The following SUPT3H variants were observed in gnomAD, a reference collection of about 807,000 sequenced individuals.
SUPT3H encodes the protein SPT3 homolog, SAGA and STAGA complex component.
SUPT3H carries 44 observed loss-of-function variants against 44.3 expected under a neutral mutation model. That is an observed-to-expected ratio of 0.99 (90% CI 0.78 to 1.28). The LOEUF (loss-of-function observed/expected upper bound fraction) is 1.28. SUPT3H is among the 50% of genes most tolerant of loss of function. SUPT3H has a pLI of 0.00. For missense variants in SUPT3H, 380 were observed against 387.1 expected (o/e 0.98, Z 0.15); for synonymous variants, 124 against 125.6 (o/e 0.99, Z 0.09).
intron 2 of SUPT3H, among the ~76,000 whole-genome samples, chr6:45,311,443 AAT>A (rs1452297936): frequency 6.6e-5 from 10 of 152,178 alleles, no homozygotes; most frequent in Non-Finnish European, 1.3e-4. Context: ...TAGACATCCA[AAT>A]ACAAGAAGCA....
intron 2 of SUPT3H, among the ~76,000 whole-genome samples, chr6:45,154,799 A>G (rs1562565523): frequency 6.6e-6 from 1 of 152,138 alleles, no homozygotes; most frequent in Admixed American, 6.5e-5. Context: ...TTCTCTTGCA[A>G]TTCCCCTGTG....
intron 10 of SUPT3H, among the ~76,000 whole-genome samples, chr6:44,889,454 A>T (rs1011138731): frequency 6.6e-6 from 1 of 152,182 alleles, no homozygotes; most frequent in African/African-American, 2.4e-5. Flanking sequence ...CAGAAATAAC[A>T]CCGCATATCT....
At chr6:45,005,700 CA>C (rs67476240) in intron 5 of SUPT3H, among the ~76,000 whole-genome samples, 4,003 of 130,930 alleles carry the variant, frequency 0.031, 77 homozygotes, top group South Asian at 0.11. Context: ...AAACTCGTCT[CA>C]AAAAAAAAAA....
intron 3 of SUPT3H, among the ~76,000 whole-genome samples, chr6:45,048,221 C>CTTTTTTTTTT (rs67557043): frequency 1.1e-5 from 1 of 88,196 alleles, no homozygotes; most frequent in African/African-American, 6.2e-5. Context: ...TCTCTCTACT[C>CTTTTTTTTTT]TTTTTTTTTT....
intron 2 of SUPT3H, among the ~76,000 whole-genome samples, chr6:45,352,866 TA>T (rs1792351924): frequency 1.3e-5 from 2 of 152,170 alleles, no homozygotes; most frequent in South Asian, 4.1e-4. Context: ...TATATATCTA[TA>T]AAAAAATTAA....
chr6:45,122,068 A>G (rs1231970180), intron 2 of SUPT3H, among the ~76,000 whole-genome samples: 1 of 152,212 alleles, frequency 6.6e-6, no homozygotes, highest in African/African-American at 2.4e-5. Flanking sequence ...AAAATGAACA[A>G]ATTGTATTTT....
At position 45,223,452 on chromosome 6, in the gene SUPT3H, T is replaced by G. The variant is rs576204813; in HGVS notation, c.102-117446A>C. Among the ~76,000 whole-genome samples the G allele has an allele frequency of 3.3e-5, 5 of 152,156 alleles. No homozygotes were observed. In the South Asian group the frequency reaches 1.0e-3, roughly 32 times the overall value. ...ACTATTGTAAAAGTTCAGTAAGGTGTGCCATACTAAATTCGTATGTACCTA... is the reference window on the plus strand; with the variant it reads ...ACTATTGTAAAAGTTCAGTAAGGTGGGCCATACTAAATTCGTATGTACCTA... On this transcript the variant is annotated intron_variant, in intron 2 of 10. Transcript: ENST00000371459.
At chr6:45,068,584 G>A (rs1488825634) in intron 3 of SUPT3H, among the ~76,000 whole-genome samples, 1 of 152,120 alleles carries the variant, frequency 6.6e-6, no homozygotes, top group Non-Finnish European at 1.5e-5. Context: ...AACATGATTT[G>A]TTTTATTCCA....
chr6:45,336,641 TCAAA>T (rs1402224926), intron 2 of SUPT3H, among the ~76,000 whole-genome samples: 3 of 151,540 alleles, frequency 2.0e-5, no homozygotes, highest in Non-Finnish European at 4.4e-5. Context: ...TCAGACGTAT[TCAAA>T]CAATTTTCTT....
Position 44,932,572 on chromosome 6 carries a change from T to C in SUPT3H, c.912+81A>G, listed in dbSNP as rs983143396. 132 of 979,658 alleles carry C rather than the reference T, an allele frequency of 1.3e-4. 1 individual carries two copies. The highest frequency in any genetic ancestry group is 1.3e-3 in the South Asian group (77 of 58,058). 60.7% of individuals were successfully genotyped at this position (979,658 alleles called of 1,614,324 possible). On this transcript the variant is annotated intron_variant, in intron 10 of 10. Coordinates refer to ENST00000371459, the MANE Select transcript of SUPT3H (RefSeq NM_003599.4). ...CCACAAATTGCTTTCAACAATTCCA[T>C]TGCTTCTTCATTTGACCACTTGAAA...
chr6:45,310,039 G>GT (rs755542151), intron 2 of SUPT3H, among the ~76,000 whole-genome samples: 26 of 152,170 alleles, frequency 1.7e-4, no homozygotes, highest in Non-Finnish European at 2.8e-4. Context: ...AAAGCCTCTG[G>GT]TAAGTTTTCA....
intron 10 of SUPT3H, among the ~76,000 whole-genome samples, chr6:44,888,514 C>T (rs1414903723): frequency 6.6e-6 from 1 of 152,114 alleles, no homozygotes; most frequent in Non-Finnish European, 1.5e-5. Context: ...AAGACAAAAA[C>T]CACATGATTA....
intron 2 of SUPT3H, among the ~76,000 whole-genome samples, chr6:45,193,198 C>CACATGTA (rs1815428186): frequency 6.6e-6 from 1 of 152,008 alleles, no homozygotes; most frequent in South Asian, 2.1e-4. Context: ...TTCAGAATAA[C>CACATGTA]ACATGTACAC....
At chr6:45,015,700 T>C (rs905260522) in intron 4 of SUPT3H, among the ~76,000 whole-genome samples, 1 of 151,802 alleles carries the variant, frequency 6.6e-6, no homozygotes, top group Non-Finnish European at 1.5e-5. Context: ...AAAACGTTTT[T>C]CCTTTATATC....
intron 2 of SUPT3H, among the ~76,000 whole-genome samples, chr6:45,190,204 C>CA (rs1814898779): frequency 6.6e-6 from 1 of 151,662 alleles, no homozygotes; most frequent in African/African-American, 2.4e-5. Flanking sequence ...AAATATTTCC[C>CA]AAAAAATGGG....
At chr6:45,181,873 AAATAAAT>A (rs1263549629) in intron 2 of SUPT3H, among the ~76,000 whole-genome samples, 14 of 1,132 alleles carry the variant, frequency 0.012, no homozygotes, top group Admixed American at 0.025. Flanking sequence ...TAATAATAAT[AAATAAAT>A]AAATAAATAA....
At chr6:45,288,941 C>T (rs997608805) in intron 2 of SUPT3H, among the ~76,000 whole-genome samples, 1 of 151,982 alleles carries the variant, frequency 6.6e-6, no homozygotes. Context: ...CCTATATACA[C>T]ATTCTACATT....
At chr6:45,106,755 C>T (rs1466635810) in intron 2 of SUPT3H, among the ~76,000 whole-genome samples, 1 of 152,128 alleles carries the variant, frequency 6.6e-6, no homozygotes, top group Non-Finnish European at 1.5e-5. Context: ...AGGCTGGTCT[C>T]GAACTCCTGA....
intron 2 of SUPT3H, among the ~76,000 whole-genome samples, chr6:45,333,850 T>C (rs1229436592): frequency 6.6e-6 from 1 of 151,224 alleles, no homozygotes; most frequent in Non-Finnish European, 1.5e-5. Context: ...ACAAAAATCA[T>C]ACCAAGGGTG....
Sources: allele counts gnomAD v4.1 joint callset (sites outside exome capture counted in the v4.1 genomes callset), GRCh38; gene constraint gnomAD v4.1.1; transcripts MANE v1.5; gene names NCBI Gene and HGNC (gene_info 2026-07-23, HGNC 2026-07-21).